The following TRIM16 variants were observed in gnomAD, a reference collection of about 807,000 sequenced individuals.
TRIM16 encodes the protein tripartite motif containing 16.
TRIM16 carries 33 observed loss-of-function variants against 50.4 expected under a neutral mutation model. The observed-to-expected ratio is 0.65, with a 90% CI of 0.50 to 0.88. The LOEUF (loss-of-function observed/expected upper bound fraction) is 0.88. Ranked by LOEUF, TRIM16 falls within the 40% of genes least tolerant of loss-of-function variation. TRIM16 has a pLI of 0.00. For missense variants in TRIM16, 581 were observed against 686.8 expected (o/e 0.85, Z 1.72); for synonymous variants, 229 against 270.7 (o/e 0.85, Z 1.51).
chr17:15,676,431 CTTTTTTTTT>C (rs57392285), intron 6 of TRIM16, among the ~76,000 whole-genome samples: 25 of 125,716 alleles, frequency 2.0e-4, no homozygotes, highest in African/African-American at 6.4e-4. Context: ...AGAATTTTTT[CTTTTTTTTT>C]TTTTTTTTTC....
At chr17:15,637,121 G>GC (rs1475826687) in intron 8 of TRIM16, among the ~76,000 whole-genome samples, 1 of 143,652 alleles carries the variant, frequency 7.0e-6, no homozygotes. Context: ...GAGGTGGGGG[G>GC]GGGGGGTCAG....
intron 7 of TRIM16, among the ~76,000 whole-genome samples, chr17:15,647,042 C>T (rs1345445885): frequency 6.6e-6 from 1 of 151,626 alleles, no homozygotes; most frequent in Non-Finnish European, 1.5e-5. Flanking sequence ...TCTCGGTTCA[C>T]TGCAACCTCC....
At chr17:15,662,548 C>G (rs573914521) in intron 6 of TRIM16, among the ~76,000 whole-genome samples, 19 of 152,238 alleles carry the variant, frequency 1.2e-4, no homozygotes, top group Non-Finnish European at 2.8e-4. Context: ...ACCCGCAGAA[C>G]ATGCCAGCCT....
chr17:15,682,911 C>T lies in TRIM16; in HGVS notation c.-736G>A. 4 of 1,497,608 alleles carry T rather than the reference C, an allele frequency of 2.7e-6. No homozygotes were observed. The highest frequency in any genetic ancestry group is 1.4e-5 in the South Asian group (1 of 73,356). The allele number at this position is 1,497,608 out of a possible 1,614,324, so 92.8% of individuals were successfully genotyped here. A position where few individuals can be genotyped will look rare whatever the true frequency, so the allele number is the denominator to read the frequency against. On this transcript the variant is annotated 5_prime_UTR_variant, in exon 3 of 12. Transcript: ENST00000649191. Reference sequence around the variant, plus strand: ...CACAGATGAGGAAACTGTTAACTTGCCCAAGTTCTCTGTGCTGCCCACACA... The same window carrying T: ...CACAGATGAGGAAACTGTTAACTTGTCCAAGTTCTCTGTGCTGCCCACACA...
At chr17:15,651,037 ACACCATCCCC>A in intron 7 of TRIM16, 44 bp downstream of exon 7, 1 of 1,558,692 alleles carries the variant, frequency 6.4e-7, no homozygotes, top group Non-Finnish European at 8.7e-7. Context: ...CCAGCTGGGC[ACACCATCCCC>A]CACCGCCCTC....
At chr17:15,655,134 GTTTT>G (rs1383755506) in intron 6 of TRIM16, among the ~76,000 whole-genome samples, 1 of 152,198 alleles carries the variant, frequency 6.6e-6, no homozygotes, top group Non-Finnish European at 1.5e-5. Context: ...CATTGTCAGT[GTTTT>G]CTCCAGTATT....
chr17:15,676,770 C>T (rs1988970084), intron 6 of TRIM16, among the ~76,000 whole-genome samples: 1 of 152,112 alleles, frequency 6.6e-6, no homozygotes, highest in East Asian at 1.9e-4. Flanking sequence ...TCCCTCACCT[C>T]TCAAATCTAC....
At position 15,636,246 on chromosome 17, in the gene TRIM16, C is replaced by T. The variant is rs9911397; in HGVS notation, c.639G>A (p.Ala213=). Residue 213 remains alanine (A), a synonymous_variant, in exon 9 of 12, where the codon GCG becomes GCA. Coordinates refer to ENST00000649191, the MANE Select transcript of TRIM16 (RefSeq NM_001348119.1). The part of the protein sequence containing the change: ...SVLVSVSEVK[A]VAEMQFGELL... ...GTTCCCCAAACTGCATTTCAGCCACCGCTTTGACCTCTGACACCGACACCT... is the reference window on the plus strand; with the variant it reads ...GTTCCCCAAACTGCATTTCAGCCACTGCTTTGACCTCTGACACCGACACCT... 2.5e-3 allele frequency: 4,046 copies of T among 1,597,234 alleles called. 385 individuals are homozygous for T. The African/African-American group carries it at 0.048, about 19-fold the overall frequency.
chr17:15,663,173 C>A (rs1988319533), intron 6 of TRIM16, among the ~76,000 whole-genome samples: 2 of 152,204 alleles, frequency 1.3e-5, no homozygotes, highest in South Asian at 4.1e-4. Flanking sequence ...TCTTTCCCAA[C>A]CACCCAAGTG....
intron 7 of TRIM16, 55 bp downstream of exon 7, chr17:15,651,036 C>T: frequency 1.9e-6 from 3 of 1,558,004 alleles, no homozygotes; most frequent in East Asian, 4.5e-5. Flanking sequence ...GCCAGCTGGG[C>T]ACACCATCCC....
chr17:15,653,980 G>T (rs914745880), intron 6 of TRIM16, among the ~76,000 whole-genome samples: 8 of 152,176 alleles, frequency 5.3e-5, no homozygotes, highest in African/African-American at 1.9e-4. Flanking sequence ...AATTTGGAAG[G>T]CGAATGGAAG....
chr17:15,634,520 A>G lies in TRIM16; in HGVS notation c.849+1516T>C, dbSNP rs369766549. 1.4e-5 allele frequency among the ~76,000 whole-genome samples: 2 copies of G among 145,526 alleles called. 1 individual carries two copies. Among genetic ancestry groups the G allele is most frequent in the Non-Finnish European group, 3.0e-5 (2 of 66,242 alleles). On this transcript the variant is annotated intron_variant, in intron 9 of 11. Transcript: ENST00000649191. ...GTGGCCCATGCTTGTAATCCCAGCTACTCAGGAGGCTGAGGCAGGAGAATC... is the reference window on the plus strand; with the variant it reads ...GTGGCCCATGCTTGTAATCCCAGCTGCTCAGGAGGCTGAGGCAGGAGAATC...
chr17:15,636,093 C>G lies in TRIM16; in HGVS notation c.792G>C (p.Lys264Asn). The G allele has an allele frequency of 2.5e-6, 4 of 1,609,564 alleles. No homozygotes were observed. The highest frequency in any genetic ancestry group is 3.4e-6 in the Non-Finnish European group (4 of 1,178,768). Residue 264 changes from lysine to asparagine, a missense_variant, in exon 9 of 12, where the codon AAG becomes AAC. This residue lies in a region of TRIM16 where 450 missense variants were observed against 544.3 expected (regional missense o/e 0.83). Coordinates refer to ENST00000649191, the MANE Select transcript of TRIM16 (RefSeq NM_001348119.1). ...HLEYRSAEME[K>N]SKQELERMAA... is the part of the protein sequence containing the mutation. ...CCATCCTCTCCAGCTCCTGCTTGCT[C>G]TTCTCCATCTCGGCACTCCTGTACT...
chr17:15,653,191 C>G (rs1435345938), intron 6 of TRIM16, among the ~76,000 whole-genome samples: 2 of 152,194 alleles, frequency 1.3e-5, no homozygotes, highest in Admixed American at 6.5e-5. Context: ...ATTCCTCTCT[C>G]TCCATGTGAC....
chr17:15,638,056 C>T (rs1294175399), intron 8 of TRIM16, among the ~76,000 whole-genome samples: 4 of 130,064 alleles, frequency 3.1e-5, no homozygotes, highest in Non-Finnish European at 4.9e-5. Flanking sequence ...GCAGCATGCT[C>T]GTTAAGAGTC....
chr17:15,668,088 T>A (rs1020664968), intron 6 of TRIM16, among the ~76,000 whole-genome samples: 1 of 152,158 alleles, frequency 6.6e-6, no homozygotes, highest in Non-Finnish European at 1.5e-5. Context: ...CCTCTCTGTA[T>A]CTCACCCCGC....
chr17:15,628,476 T>A lies in TRIM16; in HGVS notation c.*139A>T, dbSNP rs1986215922. On this transcript the variant is annotated 3_prime_UTR_variant, in exon 12 of 12. Coordinates refer to ENST00000649191, the MANE Select transcript of TRIM16 (RefSeq NM_001348119.1). ...ACCATATGGAGCAAAAGAGAGCAGC[T>A]GGAGAATGTTTTCATTCAGAGACCC... 1.5e-6 allele frequency: 1 copy of A among 662,144 alleles called. No homozygotes were observed. Among genetic ancestry groups the A allele is most frequent in the Admixed American group, 3.0e-5 (1 of 33,844 alleles). 41.0% of individuals were successfully genotyped at this position (662,144 alleles called of 1,614,324 possible).
chr17:15,679,664 G>C (rs1458443773), intron 4 of TRIM16, among the ~76,000 whole-genome samples: 5 of 152,206 alleles, frequency 3.3e-5, no homozygotes. Context: ...CTGGCCGGGC[G>C]TGGTGGCTCA....
intron 6 of TRIM16, chr17:15,654,192 T>C (rs1283260672): frequency 6.6e-6 from 1 of 152,364 alleles, no homozygotes; most frequent in East Asian, 1.9e-4. Flanking sequence ...ACCTAGTGAC[T>C]ACTCAGAGTT....
Sources: gnomAD v4.1 joint callset for allele counts (sites outside exome capture counted in the v4.1 genomes callset) on GRCh38, gnomAD v4.1.1 for gene constraint, gnomAD v4.1.1 regional missense constraint, MANE v1.5 for transcripts, NCBI Gene and HGNC (gene_info 2026-07-23, HGNC 2026-07-21) for gene names.